Variants in MYOCD observed in about 807,000 individuals in gnomAD.
The protein encoded by MYOCD is myocardin.
In MYOCD, 32 loss-of-function variants were observed where a neutral mutation model predicts 96.1. That is an observed-to-expected ratio of 0.33 (90% CI 0.25 to 0.45). The LOEUF (loss-of-function observed/expected upper bound fraction) is 0.45. Ranked by LOEUF, MYOCD falls within the 20% of genes least tolerant of loss-of-function variation. The probability of loss-of-function intolerance (pLI) is 1.00; values close to 1 mark genes in which losing one functional copy is unlikely to be tolerated. For synonymous variants in MYOCD, 469 were observed against 469.0 expected (o/e 1.00, Z 0.00); for missense variants, 1,133 against 1,200.6 (o/e 0.94, Z 0.83).
rs1193123030 is a variant in MYOCD, at chr17:12,766,631, C to T, written c.*2987C>T. The stretch of plus-strand genomic sequence containing the variant: ...TTATTTTAAATTCTTTTAAACTCTT[C>T]GTTGTGTCTTTTGTGATGACAAATC... On this transcript the variant is annotated 3_prime_UTR_variant, in exon 14 of 14. Transcript: ENST00000425538. 1.3e-5 allele frequency: 2 copies of T among 152,160 alleles called. No homozygotes were observed. Among genetic ancestry groups the T allele is most frequent in the African/African-American group, 2.4e-5 (1 of 41,444 alleles). The allele number at this position is 152,160 out of a possible 1,614,324, so 9.4% of individuals were successfully genotyped here.
intron 1 of MYOCD, among the ~76,000 whole-genome samples, chr17:12,687,063 G>T (rs975907354): frequency 1.3e-5 from 2 of 152,176 alleles, no homozygotes; most frequent in Non-Finnish European, 2.9e-5. Flanking sequence ...GCACACCGAA[G>T]TTGGAAGGTG....
intron 2 of MYOCD, among the ~76,000 whole-genome samples, chr17:12,708,132 C>T (rs2031362247): frequency 6.6e-6 from 1 of 152,088 alleles, no homozygotes; most frequent in Non-Finnish European, 1.5e-5. Flanking sequence ...TACCCCAGTC[C>T]CTGTTTGTCT....
chr17:12,740,848 C>T (rs2032484740), intron 7 of MYOCD, among the ~76,000 whole-genome samples: 1 of 151,746 alleles, frequency 6.6e-6, no homozygotes, highest in African/African-American at 2.4e-5. Context: ...AAGTGATTCT[C>T]CTGCCTCAGC....
intron 1 of MYOCD, among the ~76,000 whole-genome samples, chr17:12,674,662 C>T (rs57571568): frequency 0.016 from 2,436 of 152,128 alleles, 75 homozygotes; most frequent in African/African-American, 0.054. Flanking sequence ...TATGTATATA[C>T]GCATAGATTT....
intron 13 of MYOCD, 137 bp downstream of exon 13, chr17:12,760,844 T>G (rs1260479083): frequency 2.8e-6 from 2 of 713,918 alleles, no homozygotes; most frequent in Non-Finnish European, 5.0e-6. Context: ...CCATTTCCTT[T>G]GAGCTTCTCG....
intron 5 of MYOCD, among the ~76,000 whole-genome samples, chr17:12,730,492 G>C (rs2032139246): frequency 6.6e-6 from 1 of 151,598 alleles, no homozygotes; most frequent in Non-Finnish European, 1.5e-5. Context: ...AAAGTGCCAG[G>C]GATCTGAGTA....
chr17:12,689,607 G>A (rs1288266730), intron 1 of MYOCD, among the ~76,000 whole-genome samples: 5 of 152,128 alleles, frequency 3.3e-5, no homozygotes, highest in East Asian at 1.9e-4. Flanking sequence ...CAAGGCAGGC[G>A]GATCACTTGA....
chr17:12,755,519 G>T (rs2150723131), intron 10 of MYOCD, among the ~76,000 whole-genome samples: 1 of 152,160 alleles, frequency 6.6e-6, no homozygotes, highest in East Asian at 1.9e-4. Flanking sequence ...CAAGCGAGTG[G>T]ATCACAAGGT....
At chr17:12,681,170 A>G (rs1021581819) in intron 1 of MYOCD, among the ~76,000 whole-genome samples, 1 of 152,216 alleles carries the variant, frequency 6.6e-6, no homozygotes, top group African/African-American at 2.4e-5. Context: ...TGCTTCGCAC[A>G]AGTATCCGAA....
At chr17:12,757,595 C>G (rs2015334) in intron 11 of MYOCD, among the ~76,000 whole-genome samples, 4,724 of 152,252 alleles carry the variant, frequency 0.031, 265 homozygotes, top group East Asian at 0.17. Flanking sequence ...CTCCCAGGTT[C>G]AAGCGATTCT....
chr17:12,752,431 A>G lies in MYOCD; in HGVS notation c.1143A>G (p.Gln381=), dbSNP rs753699672. The stretch of plus-strand genomic sequence containing the variant: ...TTCTTTAGGTCTCTGAATTAAGACA[A>G]CAGCTTCGAATTCGGGGCTTGCCTG... ...LDDLKVSELR[Q]QLRIRGLPVS... The change falls in exon 10 of 14, where the codon CAA becomes CAG. Residue 381 remains glutamine (Q), a synonymous_variant. Transcript: ENST00000425538. The G allele has an allele frequency of 1.2e-6, 2 of 1,611,762 alleles. No homozygotes were observed. The highest frequency in any genetic ancestry group is 3.4e-5 in the Admixed American group (2 of 59,572).
In MYOCD at chr17:12,745,933, A is replaced by G. The variant is rs893409621; in HGVS notation, c.986A>G (p.Gln329Arg). Residue 329 changes from glutamine (Q) to arginine (R), a missense_variant, in exon 9 of 14, where the codon CAG (glutamine) becomes CGG (arginine). Gln to Arg is a conservative substitution (Grantham distance 43). Transcript: ENST00000425538. ...HQAQLKEPNE[Q>R]MVRNPNSSST... ...TTGTTTTTTAGGGAACCAAATGAAC[A>G]GATGGTCAGAAATCCAAACTCTTCT... The G allele has an allele frequency of 5.6e-6, 9 of 1,613,964 alleles. No homozygotes were observed. The Admixed American group carries it at 1.5e-4, about 27-fold the overall frequency.
chr17:12,738,141 C>T (rs72813104), intron 6 of MYOCD, among the ~76,000 whole-genome samples: 11,247 of 152,152 alleles, frequency 0.074, 434 homozygotes, highest in Middle Eastern at 0.12. Flanking sequence ...GAACAAGCAC[C>T]GAACAATGCC....
chr17:12,704,296 G>T (rs544596209), intron 1 of MYOCD, among the ~76,000 whole-genome samples: 1 of 152,124 alleles, frequency 6.6e-6, no homozygotes, highest in Non-Finnish European at 1.5e-5. Flanking sequence ...GATAGAATGT[G>T]TTTGGAGGAG....
At position 12,752,822 on chromosome 17, in the gene MYOCD, G is replaced by C. The variant is rs1021579937; in HGVS notation, c.1534G>C (p.Gly512Arg). The C allele has an allele frequency of 2.5e-6, 4 of 1,614,068 alleles. No individual in the cohort carries two copies. The highest frequency in any genetic ancestry group is 3.3e-5 in the Admixed American group (2 of 60,004). The change falls in exon 10 of 14, where the codon GGG (glycine) becomes CGG (arginine). Residue 512 changes from glycine to arginine, a missense_variant. By Grantham distance (125) the Gly-to-Arg change is moderately radical. Transcript: ENST00000425538. ...NGGSVPSELD[G>R]LDSEKDKMLV... ...GGGCTCTGTTCCTTCTGAGCTGGAT[G>C]GGCTGGACTCCGAGAAGGACAAGAT... is the stretch of plus-strand genomic sequence containing the variant.
At chr17:12,728,230 G>C (rs538750170) in intron 5 of MYOCD, among the ~76,000 whole-genome samples, 2 of 152,134 alleles carry the variant, frequency 1.3e-5, no homozygotes, top group Non-Finnish European at 2.9e-5. Flanking sequence ...CTTCTAGCTT[G>C]TTAATTCTCT....
Position 12,766,904 on chromosome 17 carries a change from T to C in MYOCD, c.*3260T>C, listed in dbSNP as rs1488073887. 1 of 152,024 alleles carries C rather than the reference T, an allele frequency of 6.6e-6. No homozygotes were observed. The highest frequency in any genetic ancestry group is 1.5e-5 in the Non-Finnish European group (1 of 68,016). 9.4% of individuals were successfully genotyped at this position (152,024 alleles called of 1,614,324 possible). On this transcript the variant is annotated 3_prime_UTR_variant, in exon 14 of 14. Coordinates refer to ENST00000425538, the MANE Select transcript of MYOCD (RefSeq NM_001146312.3). ...CAGTGCTTATTAGTAGTGACCCTGC[T>C]TCTATCAACGTTATTGAGACAACAC...
chr17:12,755,575 T>C (rs1054149350), intron 10 of MYOCD, among the ~76,000 whole-genome samples: 10 of 152,102 alleles, frequency 6.6e-5, no homozygotes, highest in Non-Finnish European at 1.5e-4. Flanking sequence ...ACCCCATTTC[T>C]ACTAAAAATA....
rs559487265 is a variant in MYOCD, at chr17:12,758,332, A to G, written c.2331+119A>G. 5.5e-6 allele frequency: 8 copies of G among 1,459,480 alleles called. No individual in the cohort carries two copies. In the East Asian group the frequency reaches 1.2e-4, roughly 21 times the overall value. 90.4% of individuals were successfully genotyped at this position (1,459,480 alleles called of 1,614,324 possible). ...TGATATTGAGTGTGTCATGTGCCAT[A>G]CCACCAAAATAAGCAAATTATCTAG... On this transcript the variant is annotated intron_variant, in intron 12 of 13. Coordinates refer to ENST00000425538, the MANE Select transcript of MYOCD (RefSeq NM_001146312.3).
Sources: gnomAD v4.1 joint callset for allele counts (sites outside exome capture counted in the v4.1 genomes callset) on GRCh38, gnomAD v4.1.1 for gene constraint, MANE v1.5 for transcripts, NCBI Gene and HGNC (gene_info 2026-07-23, HGNC 2026-07-21) for gene names.